MEF2C: variants seen among roughly 807,000 people sequenced by gnomAD.
MEF2C encodes myocyte enhancer factor 2C, also known as myocyte-specific enhancer factor 2C.
MEF2C carries 6 observed loss-of-function variants against 50.5 expected under a neutral mutation model. The observed-to-expected ratio is 0.12, with a 90% CI of 0.07 to 0.23. The LOEUF is 0.23. Among genes scored for constraint, MEF2C ranks in the 10% least tolerant of loss-of-function variants. The pLI, the probability that MEF2C is intolerant of heterozygous loss-of-function variation, is 1.00. For missense variants in MEF2C, 276 were observed against 605.0 expected, an observed-to-expected ratio of 0.46 and a Z score of 5.70; for synonymous variants, 183 against 228.0, an observed-to-expected ratio of 0.80 and a Z score of 1.78.
At chr5:88,889,324 C>G (rs1287720598) in intron 1 of MEF2C, 2 of 152,322 alleles carry the variant, frequency 1.3e-5, no homozygotes, top group African/African-American at 4.8e-5. Context: ...TGCCGATCCT[C>G]CCCTCCAACA....
chr5:88,898,539 C>T (rs1041262020), intron 1 of MEF2C, among the ~76,000 whole-genome samples: 5 of 152,114 alleles, frequency 3.3e-5, no homozygotes, highest in Non-Finnish European at 5.9e-5. Flanking sequence ...AGGAATGTGG[C>T]TTCTCTGTAA....
chr5:88,757,763 A>C (rs1776015497), intron 4 of MEF2C, among the ~76,000 whole-genome samples: 1 of 152,024 alleles, frequency 6.6e-6, no homozygotes. Context: ...TAAAAATACA[A>C]AAACTAGCCA....
intron 3 of MEF2C, among the ~76,000 whole-genome samples, chr5:88,796,650 A>C (rs1562086305): frequency 6.6e-6 from 1 of 151,718 alleles, no homozygotes. Flanking sequence ...GCTCTTAGTT[A>C]TTTCTTGTCT....
At chr5:88,773,614 G>C (rs145267042) in intron 3 of MEF2C, among the ~76,000 whole-genome samples, 1 of 152,308 alleles carries the variant, frequency 6.6e-6, no homozygotes, top group Non-Finnish European at 1.5e-5. Flanking sequence ...TCTGACAGTA[G>C]AATGTTGCTA....
At chr5:88,737,267 G>A in intron 6 of MEF2C, 3 of 985,256 alleles carry the variant, frequency 3.0e-6, no homozygotes, top group Non-Finnish European at 3.6e-6. Flanking sequence ...GTACACTATT[G>A]AGACAAACTG....
chr5:88,815,940 C>CA (rs1562194886), intron 2 of MEF2C, among the ~76,000 whole-genome samples: 1 of 151,894 alleles, frequency 6.6e-6, no homozygotes. Flanking sequence ...TTGTAGCAGA[C>CA]AGAGTGGTGT....
intron 3 of MEF2C, among the ~76,000 whole-genome samples, chr5:88,802,048 T>A (rs561328447): frequency 6.6e-6 from 1 of 152,202 alleles, no homozygotes; most frequent in Admixed American, 6.5e-5. Flanking sequence ...TAGACTTACA[T>A]GTTATGTTCA....
At chr5:88,807,259 C>G (rs551075493) in intron 2 of MEF2C, among the ~76,000 whole-genome samples, 1 of 152,158 alleles carries the variant, frequency 6.6e-6, no homozygotes, top group African/African-American at 2.4e-5. Context: ...AGGGTCTCCC[C>G]GTCTCCTAGG....
rs750080402 is a variant in MEF2C, at chr5:88,869,292, TATACACATATATATATATATATAC to T, written c.-143+13639_-143+13662del. Among the ~76,000 whole-genome samples, 831 of 89,578 alleles carry T rather than the reference TATACACATATATATATATATATAC, an allele frequency of 9.3e-3. 5 individuals carry two copies. Among genetic ancestry groups the T allele is most frequent in the Middle Eastern group, 0.014 (2 of 148 alleles). The allele number at this position is 89,578 out of a possible 152,430, so 58.8% of individuals were successfully genotyped here. A position where few individuals can be genotyped will look rare whatever the true frequency, so the allele number is the denominator to read the frequency against. ...ATATATATATACATATATATATATA[TATACACATATATATATATATATAC>T]ACATATAGCTTCATTTGTACAAATT... On this transcript the variant is annotated intron_variant, in intron 1 of 10. Transcript: ENST00000504921.
intron 4 of MEF2C, among the ~76,000 whole-genome samples, chr5:88,760,453 T>G (rs1362749544): frequency 6.6e-6 from 1 of 152,256 alleles, no homozygotes; most frequent in Non-Finnish European, 1.5e-5. Context: ...GTCTGTTCCC[T>G]GCAGCGAGCA....
chr5:88,847,235 G>A (rs1265350023), intron 1 of MEF2C, among the ~76,000 whole-genome samples: 1 of 152,124 alleles, frequency 6.6e-6, no homozygotes, highest in Non-Finnish European at 1.5e-5. Context: ...AGTAAAAACA[G>A]ATTAACACAT....
chr5:88,856,469 C>G (rs1823386829), intron 1 of MEF2C, among the ~76,000 whole-genome samples: 1 of 152,146 alleles, frequency 6.6e-6, no homozygotes, highest in South Asian at 2.1e-4. Flanking sequence ...TAACAAGAAG[C>G]CAAATGTTAA....
intron 1 of MEF2C, among the ~76,000 whole-genome samples, chr5:88,901,655 G>A (rs564005546): frequency 1.3e-5 from 2 of 152,016 alleles, no homozygotes; most frequent in South Asian, 2.1e-4. Flanking sequence ...GTAAATCAAT[G>A]CTACTTTAAA....
chr5:88,850,748 AATT>A (rs2153382468), intron 1 of MEF2C, among the ~76,000 whole-genome samples: 1 of 152,100 alleles, frequency 6.6e-6, no homozygotes, highest in South Asian at 2.1e-4. Flanking sequence ...ACATACATAT[AATT>A]ATTTAAGAAA....
At chr5:88,890,421 T>C (rs1001829765) in intron 1 of MEF2C, among the ~76,000 whole-genome samples, 2 of 152,238 alleles carry the variant, frequency 1.3e-5, no homozygotes, top group Non-Finnish European at 2.9e-5. Context: ...AAAACGTTTA[T>C]GTTATCATGT....
intron 1 of MEF2C, among the ~76,000 whole-genome samples, chr5:88,869,278 CATAT>C (rs57717988): frequency 7.2e-4 from 35 of 48,614 alleles, no homozygotes; most frequent in African/African-American, 1.7e-3. Flanking sequence ...TATATATATA[CATAT>C]ATATATATAT....
intron 3 of MEF2C, among the ~76,000 whole-genome samples, chr5:88,792,661 CAT>C (rs1794315021): frequency 6.6e-6 from 1 of 152,188 alleles, no homozygotes. Flanking sequence ...ACTAGCCACA[CAT>C]GACTACTGAA....
chr5:88,881,621 T>A (rs762581826), intron 1 of MEF2C, among the ~76,000 whole-genome samples: 1 of 152,142 alleles, frequency 6.6e-6, no homozygotes, highest in Non-Finnish European at 1.5e-5. Flanking sequence ...CACATTTCCA[T>A]GTCCTACCAA....
chr5:88,829,592 GACT>G lies in MEF2C; in HGVS notation c.-142-5665_-142-5663del, dbSNP rs971946191. 5.9e-5 allele frequency among the ~76,000 whole-genome samples: 9 copies of G among 152,036 alleles called. No individual in the cohort carries two copies. The East Asian group carries it at 7.8e-4, about 13-fold the overall frequency. On this transcript the variant is annotated intron_variant, in intron 1 of 10. Transcript: ENST00000504921. ...CTTTTCTTCAGCTTCTACTTTTACTGACTACTACTAAAAATATTTTACTATTTT... is the reference window on the plus strand; with the variant it reads ...CTTTTCTTCAGCTTCTACTTTTACTGACTACTAAAAATATTTTACTATTTT...
Sources: allele counts gnomAD v4.1 joint callset (sites outside exome capture counted in the v4.1 genomes callset), GRCh38; gene constraint gnomAD v4.1.1; transcripts MANE v1.5; gene names NCBI Gene and HGNC (gene_info 2026-07-23, HGNC 2026-07-21).